FAM83D: variants seen among roughly 807,000 people sequenced by gnomAD.
FAM83D encodes the protein protein FAM83D.
A neutral mutation model predicts 25.4 loss-of-function variants in FAM83D; 26 were observed. That is an observed-to-expected ratio of 1.02 (90% confidence interval 0.75 to 1.42). The LOEUF is 1.42. Among genes scored for constraint, FAM83D ranks in the 40% most tolerant of loss-of-function variants. The pLI is 0.00. For synonymous variants in FAM83D, 310 were observed against 318.5 expected (o/e 0.97, Z 0.28); for missense variants, 740 against 758.1 (o/e 0.98, Z 0.28).
intron 1 of FAM83D, among the ~76,000 whole-genome samples, chr20:38,933,969 C>G (rs6093105): frequency 6.6e-6 from 1 of 152,050 alleles, no homozygotes; most frequent in Non-Finnish European, 1.5e-5. Context: ...ATTCCCCTGC[C>G]TCAGCCTCCC....
intron 1 of FAM83D, among the ~76,000 whole-genome samples, chr20:38,927,910 A>G (rs1407004253): frequency 1.3e-5 from 2 of 152,156 alleles, no homozygotes; most frequent in Non-Finnish European, 2.9e-5. Flanking sequence ...ATGCAGATAC[A>G]TTTGCATTAG....
chr20:38,936,386 TG>T (rs1276334873), intron 1 of FAM83D, among the ~76,000 whole-genome samples: 1 of 152,014 alleles, frequency 6.6e-6, no homozygotes, highest in Non-Finnish European at 1.5e-5. Context: ...TGGAATGGCT[TG>T]TCCAGGGATA....
At chr20:38,939,760 G>A (rs901408876) in intron 1 of FAM83D, among the ~76,000 whole-genome samples, 2 of 152,146 alleles carry the variant, frequency 1.3e-5, no homozygotes, top group African/African-American at 4.8e-5. Flanking sequence ...CCATCTTTCT[G>A]CCTAGTGCAG....
chr20:38,941,311 A>G (rs965754369), intron 1 of FAM83D, among the ~76,000 whole-genome samples: 1 of 152,150 alleles, frequency 6.6e-6, no homozygotes, highest in African/African-American at 2.4e-5. Context: ...GTTAACAAAT[A>G]TGGTATGCAG....
At chr20:38,935,233 A>G (rs77366808) in intron 1 of FAM83D, among the ~76,000 whole-genome samples, 1 of 152,184 alleles carries the variant, frequency 6.6e-6, no homozygotes, top group Non-Finnish European at 1.5e-5. Flanking sequence ...AAACAATTCA[A>G]AATGATAAGC....
intron 1 of FAM83D, among the ~76,000 whole-genome samples, chr20:38,933,441 C>G (rs565180140): frequency 6.6e-6 from 1 of 152,306 alleles, no homozygotes; most frequent in South Asian, 2.1e-4. Flanking sequence ...AAAAATGTCT[C>G]CAGACATTGC....
At position 38,952,075 on chromosome 20, in the gene FAM83D, G is replaced by C; in HGVS notation, c.1313G>C (p.Arg438Thr). Residue 438 changes from arginine (R) to threonine (T), a missense_variant, in exon 4 of 4, where the codon AGA (arginine) becomes ACA (threonine). Coordinates refer to ENST00000619850, the MANE Select transcript of FAM83D (RefSeq NM_030919.3). ...AGCTCTCAAACCACGATTTGGTCCA[G>C]ATCGACCACTACTCAGACTGACATG... ...IASSQTTIWS[R>T]STTTQTDMDE... 1 of 1,614,218 alleles carries C rather than the reference G, an allele frequency of 6.2e-7. No individual in the cohort carries two copies. Among genetic ancestry groups the C allele is most frequent in the Non-Finnish European group, 8.5e-7 (1 of 1,180,044 alleles).
chr20:38,931,677 A>G (rs1455991247), intron 1 of FAM83D, among the ~76,000 whole-genome samples: 1 of 152,238 alleles, frequency 6.6e-6, no homozygotes. Context: ...TGACCAGAGT[A>G]TAGGCACAGG....
chr20:38,931,378 G>T (rs546883238), intron 1 of FAM83D, among the ~76,000 whole-genome samples: 4 of 152,214 alleles, frequency 2.6e-5, no homozygotes, highest in Admixed American at 1.3e-4. Context: ...TTTAGGTTTT[G>T]TAAACTAGAG....
chr20:38,937,124 G>A (rs368490612), intron 1 of FAM83D, among the ~76,000 whole-genome samples: 3 of 152,308 alleles, frequency 2.0e-5, no homozygotes, highest in East Asian at 1.9e-4. Flanking sequence ...AGCTGGATGC[G>A]TCCTCCTCAC....
At position 38,952,190 on chromosome 20, in the gene FAM83D, G is replaced by A. The variant is rs2085758855; in HGVS notation, c.1428G>A (p.Lys476=). ...CTGTATCGAGATCTTCCAGTTTGAAGTCTTCCTCCTCTGTGTCTTCCCAAG... is the reference window on the plus strand; with the variant it reads ...CTGTATCGAGATCTTCCAGTTTGAAATCTTCCTCCTCTGTGTCTTCCCAAG... ...KMSVSRSSSL[K]SSSSVSSQGS... The change falls in exon 4 of 4, where the codon AAG becomes AAA. Residue 476 remains lysine (K), a synonymous_variant. Coordinates refer to ENST00000619850, the MANE Select transcript of FAM83D (RefSeq NM_030919.3). 2 of 1,614,180 alleles carry A rather than the reference G, an allele frequency of 1.2e-6. No homozygotes were observed. Among genetic ancestry groups the A allele is most frequent in the Middle Eastern group, 1.6e-4 (1 of 6,062 alleles).
At chr20:38,932,115 G>A (rs772580947) in intron 1 of FAM83D, among the ~76,000 whole-genome samples, 2 of 152,258 alleles carry the variant, frequency 1.3e-5, no homozygotes, top group Non-Finnish European at 2.9e-5. Flanking sequence ...GCCATGCGCG[G>A]TGGCTCATGC....
intron 1 of FAM83D, among the ~76,000 whole-genome samples, chr20:38,930,872 G>A (rs192111189): frequency 5.7e-4 from 86 of 152,188 alleles, no homozygotes; most frequent in African/African-American, 2.0e-3. Context: ...TCCTGACCTC[G>A]CGATCTGCCT....
chr20:38,942,301 T>G, intron 2 of FAM83D, 175 bp downstream of exon 2: 1 of 653,996 alleles, frequency 1.5e-6, no homozygotes, highest in East Asian at 2.7e-5. Flanking sequence ...CTGGCAATTC[T>G]CCTAGGTGTC....
At position 38,927,498 on chromosome 20, in the gene FAM83D, CTTTTTT is replaced by C. The variant is rs1173092369; in HGVS notation, c.483+590_483+595del. ...AGCCCTGCCGCTTTTTCTTTCTTGT[CTTTTTT>C]TTTTTTTTTTTTTTTTGAGACAGAT... On this transcript the variant is annotated intron_variant, in intron 1 of 3. Transcript: ENST00000619850. Among the ~76,000 whole-genome samples, 618 of 101,414 alleles carry C rather than the reference CTTTTTT, an allele frequency of 6.1e-3. 2 individuals are homozygous for C. Among genetic ancestry groups the C allele is most frequent in the African/African-American group, 0.022 (572 of 25,824 alleles). The allele number at this position is 101,414 out of a possible 152,430, so 66.5% of individuals were successfully genotyped here.
chr20:38,941,911 G>A, intron 1 of FAM83D, 48 bp from the exon 2 acceptor site: 1 of 1,594,740 alleles, frequency 6.3e-7, no homozygotes. Context: ...GTGCTGTAAG[G>A]TGGTGTCCTA....
intron 1 of FAM83D, among the ~76,000 whole-genome samples, chr20:38,935,408 G>C (rs997384758): frequency 1.3e-5 from 2 of 152,148 alleles, no homozygotes; most frequent in African/African-American, 4.8e-5. Flanking sequence ...GGCCCTGCCA[G>C]CACTTTCATC....
intron 1 of FAM83D, among the ~76,000 whole-genome samples, chr20:38,934,359 G>T (rs1469224409): frequency 6.6e-6 from 1 of 152,108 alleles, no homozygotes; most frequent in African/African-American, 2.4e-5. Context: ...TGGTTGTGGT[G>T]GTACATGCCT....
chr20:38,941,800 C>T (rs754568478), intron 1 of FAM83D, among the ~76,000 whole-genome samples, 159 bp from the exon 2 acceptor site: 8 of 152,006 alleles, frequency 5.3e-5, no homozygotes, highest in Non-Finnish European at 1.0e-4. Flanking sequence ...CAAAAGAGTC[C>T]ATGGTGAGGG....
Sources: allele counts gnomAD v4.1 joint callset (sites outside exome capture counted in the v4.1 genomes callset), GRCh38; gene constraint gnomAD v4.1.1; transcripts MANE v1.5; gene names NCBI Gene and HGNC (gene_info 2026-07-23, HGNC 2026-07-21).